DRC4: variants seen among roughly 807,000 people sequenced by gnomAD.
The protein encoded by DRC4 is dynein regulatory complex subunit 4.
At chr16:90,044,838 GAA>G in the DRC4 span, 2 of 245,568 alleles carry the variant, frequency 8.1e-6, no homozygotes, top group Non-Finnish European at 1.7e-5. Flanking sequence ...AGCAAAAAGG[GAA>G]AAAGTCTCCC....
At chr16:90,042,568 C>G in the DRC4 span, 15 of 1,573,762 alleles carry the variant, frequency 9.5e-6, no homozygotes, top group Middle Eastern at 7.5e-4. Flanking sequence ...CTCAGGGGCA[C>G]CCCCTCGGTG....
At chr16:90,019,894 G>A in the DRC4 span, 2 of 677,834 alleles carry the variant, frequency 3.0e-6, no homozygotes, top group South Asian at 3.1e-5. This position sits in a 1 kb window ranked among gnomAD's most constrained non-coding sequence, Gnocchi z 6.1. Flanking sequence ...GCGAATTAAC[G>A]CGGGGGGCGG....
chr16:90,042,576 G>C, the DRC4 span: 1 of 1,553,224 alleles, frequency 6.4e-7, no homozygotes, highest in Non-Finnish European at 8.9e-7. Context: ...CACCCCCTCG[G>C]TGCCCAGACT....
the DRC4 span, chr16:90,040,472 A>G: frequency 6.2e-7 from 1 of 1,608,598 alleles, no homozygotes; most frequent in South Asian, 1.1e-5. Context: ...TCTAACCTGG[A>G]CCCTGCAGCC....
chr16:90,029,024 T>C, the DRC4 span: 2 of 1,304,740 alleles, frequency 1.5e-6, no homozygotes, highest in Admixed American at 2.3e-5. Context: ...CTGGAGCTGC[T>C]GGATGGAGAA....
At chr16:90,024,323 C>T in the DRC4 span, among the ~76,000 whole-genome samples, 1 of 152,188 alleles carries the variant, frequency 6.6e-6, no homozygotes, top group African/African-American at 2.4e-5. Context: ...TTTAGGTGCA[C>T]CGGCCCAGTC....
At chr16:90,041,056 G>A in the DRC4 span, among the ~76,000 whole-genome samples, 27 of 152,298 alleles carry the variant, frequency 1.8e-4, 2 homozygotes, top group South Asian at 5.6e-3. Context: ...GCAGGTGAGG[G>A]AGTGAGGGTC....
the DRC4 span, chr16:90,044,538 C>T: frequency 2.1e-6 from 1 of 471,248 alleles, no homozygotes; most frequent in Non-Finnish European, 4.4e-6. Flanking sequence ...GCCCCCTCTT[C>T]CTCCAGTAGC....
chr16:90,025,874 A>C, the DRC4 span, among the ~76,000 whole-genome samples: 1 of 151,170 alleles, frequency 6.6e-6, no homozygotes, highest in Non-Finnish European at 1.5e-5. Flanking sequence ...CCATCTCAAA[A>C]AAAAAAAAAA....
the DRC4 span, chr16:90,043,498 TGGA>T: frequency 2.5e-6 from 2 of 805,478 alleles, no homozygotes; most frequent in Non-Finnish European, 1.9e-6. Context: ...CCTGGCTCTG[TGGA>T]GGAGAACCAC....
At chr16:90,037,431 T>A in the DRC4 span, 1 of 1,589,438 alleles carries the variant, frequency 6.3e-7, no homozygotes. Context: ...TCTCCCTCCT[T>A]GGCATGAGCT....
At chr16:90,032,481 G>A in the DRC4 span, among the ~76,000 whole-genome samples, 4 of 149,890 alleles carry the variant, frequency 2.7e-5, no homozygotes, top group Non-Finnish European at 5.9e-5. Context: ...AGGTGACCAG[G>A]TGTGTACGGG....
At chr16:90,031,066 G>A in the DRC4 span, 2 of 905,630 alleles carry the variant, frequency 2.2e-6, no homozygotes, top group South Asian at 3.5e-5. Flanking sequence ...TGGATGAAAG[G>A]ATCTAGTTAT....
chr16:90,028,694 G>A, the DRC4 span, among the ~76,000 whole-genome samples: 1 of 152,164 alleles, frequency 6.6e-6, no homozygotes, highest in Non-Finnish European at 1.5e-5. Context: ...TCCTGGAGAC[G>A]GCAGTGTGTG....
At chr16:90,029,224 C>G in the DRC4 span, 4 of 1,008,022 alleles carry the variant, frequency 4.0e-6, no homozygotes, top group African/African-American at 2.4e-5. Context: ...GGGGCAGGCC[C>G]TTGCACTGCA....
chr16:90,031,210 T>G, the DRC4 span: 1 of 1,585,426 alleles, frequency 6.3e-7, no homozygotes, highest in Non-Finnish European at 8.5e-7. Flanking sequence ...GTCCTCCCTC[T>G]TTCTTCCTTG....
the DRC4 span, among the ~76,000 whole-genome samples, chr16:90,033,531 T>G: frequency 2.6e-5 from 4 of 152,168 alleles, no homozygotes; most frequent in African/African-American, 7.2e-5. Context: ...GCTGGTGTAG[T>G]GGCACATGCC....
chr16:90,035,616 C>T, the DRC4 span: 44 of 1,613,976 alleles, frequency 2.7e-5, 1 homozygote, highest in South Asian at 2.3e-4. Context: ...TAGTAATGGC[C>T]GCTTCTCCCT....
At chr16:90,021,310 T>C in the DRC4 span, among the ~76,000 whole-genome samples, 1 of 152,188 alleles carries the variant, frequency 6.6e-6, no homozygotes. Flanking sequence ...CCACCAGGCC[T>C]TCTTTCATTT....
Sources: gnomAD v4.1 joint callset for allele counts (sites outside exome capture counted in the v4.1 genomes callset) on GRCh38, gnomAD v4.1.1 for gene constraint, Gnocchi (gnomAD v3.1) non-coding constraint, MANE v1.5 for transcripts, NCBI Gene and HGNC (gene_info 2026-07-23, HGNC 2026-07-21) for gene names.